Variants in CCDC68 observed in about 807,000 individuals in gnomAD.
CCDC68 encodes coiled-coil domain-containing protein 68.
In CCDC68, 45 loss-of-function variants were observed where a neutral mutation model predicts 47.1. The ratio of observed to expected loss-of-function variants is 0.96; its 90% confidence interval spans 0.75 to 1.23. CCDC68 has a LOEUF of 1.23. Among genes scored for constraint, CCDC68 ranks in the 50% most tolerant of loss-of-function variants. The probability of loss-of-function intolerance (pLI) is 0.00; values close to 1 mark genes in which losing one functional copy is unlikely to be tolerated. For synonymous variants in CCDC68, 131 were observed against 129.5 expected (o/e 1.01, Z -0.08); for missense variants, 353 against 373.6 (o/e 0.94, Z 0.45).
chr18:54,941,575 G>A (rs1403650811), intron 3 of CCDC68, among the ~76,000 whole-genome samples: 1 of 152,076 alleles, frequency 6.6e-6, no homozygotes, highest in Non-Finnish European at 1.5e-5. Context: ...ATAAGCCCAT[G>A]TCTTGATGAC....
chr18:54,929,184 A>G (rs1488810998), intron 7 of CCDC68, among the ~76,000 whole-genome samples: 1 of 151,990 alleles, frequency 6.6e-6, no homozygotes, highest in African/African-American at 2.4e-5. Flanking sequence ...TCCCCATCCT[A>G]CCACATGTAA....
At position 54,902,658 on chromosome 18, in the gene CCDC68, G is replaced by C. The variant is rs1430306797; in HGVS notation, c.*1700C>G. Reference sequence around the variant, plus strand: ...AATATTGATTTTATCAGTATTTGTTGTTTCTTACTGTCATCCACAAAATAA... The same window carrying C: ...AATATTGATTTTATCAGTATTTGTTCTTTCTTACTGTCATCCACAAAATAA... On this transcript the variant is annotated 3_prime_UTR_variant, in exon 12 of 12. Coordinates refer to ENST00000591504, the MANE Select transcript of CCDC68 (RefSeq NM_025214.3). The C allele has an allele frequency of 6.6e-6, 1 of 152,156 alleles. No homozygotes were observed. The highest frequency in any genetic ancestry group is 1.5e-5 in the Non-Finnish European group (1 of 68,004). 9.4% of individuals were successfully genotyped at this position (152,156 alleles called of 1,614,324 possible).
rs1017001607 is a variant in CCDC68 at position 54,916,584 on chromosome 18, T to C, written c.873+1329A>G. Among the ~76,000 whole-genome samples the C allele has an allele frequency of 5.3e-5, 8 of 152,032 alleles. No individual in the cohort carries two copies. In the East Asian group the frequency reaches 1.5e-3, roughly 29 times the overall value. ...GTGAACAGCTCCAGGCAGTGGGTGA[T>C]GCGCCATTTGACAGAGACAGAAGCA... is the stretch of plus-strand genomic sequence containing the variant. On this transcript the variant is annotated intron_variant, in intron 10 of 11. Coordinates refer to ENST00000591504, the MANE Select transcript of CCDC68 (RefSeq NM_025214.3).
chr18:54,937,517 C>T (rs2044368869), intron 5 of CCDC68: 1 of 153,232 alleles, frequency 6.5e-6, no homozygotes, highest in Non-Finnish European at 1.5e-5. Flanking sequence ...CAGCAATAGA[C>T]AAATGTAAAA....
chr18:54,932,482 C>T (rs1051332740), intron 7 of CCDC68, among the ~76,000 whole-genome samples: 1 of 152,132 alleles, frequency 6.6e-6, no homozygotes, highest in African/African-American at 2.4e-5. Flanking sequence ...TGAGCCACCA[C>T]ACCTGGCCTA....
intron 7 of CCDC68, among the ~76,000 whole-genome samples, chr18:54,932,632 A>G (rs2044283044): frequency 6.6e-6 from 1 of 152,208 alleles, no homozygotes; most frequent in South Asian, 2.1e-4. Flanking sequence ...TGGCCTTACT[A>G]AGCCATGTGC....
Position 54,936,183 on chromosome 18 carries a change from G to C in CCDC68, c.471+650C>G, listed in dbSNP as rs373586428. Reference sequence around the variant, plus strand: ...TTATATTAGATATTATAATTATATAGATAAATATATATAATTATTTATATA... The same window carrying C: ...TTATATTAGATATTATAATTATATACATAAATATATATAATTATTTATATA... On this transcript the variant is annotated intron_variant, in intron 6 of 11. Coordinates refer to ENST00000591504, the MANE Select transcript of CCDC68 (RefSeq NM_025214.3). Among the ~76,000 whole-genome samples, 254 of 137,806 alleles carry C rather than the reference G, an allele frequency of 1.8e-3. 1 individual carries two copies. In the South Asian group the frequency reaches 0.026, roughly 14 times the overall value. The allele number at this position is 137,806 out of a possible 152,430, so 90.4% of individuals were successfully genotyped here.
In CCDC68 at chr18:54,908,260, T is replaced by C. The variant is rs557966608; in HGVS notation, c.874-398A>G. Among the ~76,000 whole-genome samples the C allele has an allele frequency of 6.0e-4, 92 of 152,294 alleles. 4 individuals carry two copies. The South Asian group carries it at 0.018, about 30-fold the overall frequency. On this transcript the variant is annotated intron_variant, in intron 10 of 11. Coordinates refer to ENST00000591504, the MANE Select transcript of CCDC68 (RefSeq NM_025214.3). ...TGCGATCTCTTGATTATAAACCCCA[T>C]GAAAATAGGTACCATCTGCTCTTTA...
chr18:54,912,212 A>G (rs191559240), intron 10 of CCDC68, among the ~76,000 whole-genome samples: 118 of 152,360 alleles, frequency 7.7e-4, no homozygotes, highest in African/African-American at 2.8e-3. Context: ...CCCTAGGAGC[A>G]GGTCCTTAGC....
chr18:54,920,459 T>A (rs1599041320), intron 8 of CCDC68, among the ~76,000 whole-genome samples: 2 of 152,278 alleles, frequency 1.3e-5, no homozygotes, highest in South Asian at 4.1e-4. Flanking sequence ...GAGGCTGGTC[T>A]TGAGCTCCTG....
chr18:54,911,360 T>G (rs1423988850), intron 10 of CCDC68, among the ~76,000 whole-genome samples: 2 of 152,154 alleles, frequency 1.3e-5, no homozygotes, highest in African/African-American at 4.8e-5. Flanking sequence ...CTACAAGGTA[T>G]TTTCTGAAAT....
intron 1 of CCDC68, among the ~76,000 whole-genome samples, chr18:54,956,683 A>G (rs1008463160): frequency 6.6e-6 from 1 of 152,226 alleles, no homozygotes; most frequent in African/African-American, 2.4e-5. Context: ...GTACGATTCC[A>G]TCTGTATGAA....
chr18:54,911,597 T>C (rs1599026977), intron 10 of CCDC68, among the ~76,000 whole-genome samples: 2 of 152,130 alleles, frequency 1.3e-5, no homozygotes, highest in South Asian at 4.1e-4. Context: ...ATAATGAATA[T>C]AAATCTATTA....
rs375661912 is a variant in CCDC68, at chr18:54,909,204, T to C, written c.874-1342A>G. ...TAAAATGGTTAGGGATCATGAGCAA[T>C]GCTGAGTTGCCAGTGGGTTGCACTT... On this transcript the variant is annotated intron_variant, in intron 10 of 11. Coordinates refer to ENST00000591504, the MANE Select transcript of CCDC68 (RefSeq NM_025214.3). Among the ~76,000 whole-genome samples, 55 of 152,090 alleles carry C rather than the reference T, an allele frequency of 3.6e-4. 1 individual carries two copies. Among genetic ancestry groups the C allele is most frequent in the Admixed American group, 1.0e-3 (16 of 15,268 alleles).
chr18:54,948,198 T>C (rs2044557513), intron 1 of CCDC68, among the ~76,000 whole-genome samples: 1 of 152,126 alleles, frequency 6.6e-6, no homozygotes, highest in Admixed American at 6.6e-5. Flanking sequence ...ATTAGTTCAG[T>C]AAACATGAGG....
At chr18:54,952,485 G>A (rs952320392) in intron 1 of CCDC68, among the ~76,000 whole-genome samples, 5 of 152,190 alleles carry the variant, frequency 3.3e-5, no homozygotes, top group Admixed American at 2.0e-4. Flanking sequence ...TGGAACAGTT[G>A]GAACTCCTGT....
intron 8 of CCDC68, among the ~76,000 whole-genome samples, chr18:54,923,963 T>C (rs565234376): frequency 9.9e-5 from 15 of 152,032 alleles, no homozygotes; most frequent in Non-Finnish European, 2.1e-4. Flanking sequence ...CCTCCCAAAG[T>C]GCTGGGATTA....
chr18:54,905,144 C>T (rs997215091), intron 11 of CCDC68, among the ~76,000 whole-genome samples: 1 of 151,712 alleles, frequency 6.6e-6, no homozygotes, highest in Non-Finnish European at 1.5e-5. Context: ...GCCCTAGCTA[C>T]TGGGGAGGCT....
rs1913847398 is a variant in CCDC68, at chr18:54,904,202, T to TC, written c.*155_*156insG. 1.7e-6 allele frequency: 1 copy of TC among 583,390 alleles called. No individual in the cohort carries two copies. Among genetic ancestry groups the TC allele is most frequent in the East Asian group, 3.0e-5 (1 of 33,722 alleles). 36.1% of individuals were successfully genotyped at this position (583,390 alleles called of 1,614,324 possible). A position where few individuals can be genotyped will look rare whatever the true frequency, so the allele number is the denominator to read the frequency against. ...ATCCATTAAATATAGATTTGTTTGA[T>TC]TTTCTGAAATGTCATCTTCTTGCAA... is the stretch of plus-strand genomic sequence containing the variant. On this transcript the variant is annotated 3_prime_UTR_variant, in exon 12 of 12. Transcript: ENST00000591504.
Sources: allele counts gnomAD v4.1 joint callset (sites outside exome capture counted in the v4.1 genomes callset), GRCh38; gene constraint gnomAD v4.1.1; transcripts MANE v1.5; gene names NCBI Gene and HGNC (gene_info 2026-07-23, HGNC 2026-07-21).